HERC1: variants seen among roughly 807,000 people sequenced by gnomAD.
The protein encoded by HERC1 is probable E3 ubiquitin-protein ligase HERC1.
In HERC1, 160 loss-of-function variants were observed where a neutral mutation model predicts 554.3. The ratio of observed to expected loss-of-function variants is 0.29; its 90% CI spans 0.25 to 0.33. The LOEUF (loss-of-function observed/expected upper bound fraction) is 0.33, where lower values mean the gene tolerates loss of function less well. HERC1 is among the 10% of genes least tolerant of loss of function. HERC1 has a pLI of 1.00. For synonymous variants in HERC1, 2,175 were observed against 2,131.7 expected, an observed-to-expected ratio of 1.02 and a Z score of -0.56; for missense variants, 4,919 against 5,918.5, an observed-to-expected ratio of 0.83 and a Z score of 5.54.
intron 1 of HERC1, among the ~76,000 whole-genome samples, chr15:63,824,631 G>A: frequency 6.6e-6 from 1 of 152,024 alleles, no homozygotes; most frequent in East Asian, 1.9e-4. Context: ...ACCTCTGAGA[G>A]AGAGCTGCAC....
At chr15:63,720,040 A>G (rs1042852647) in intron 19 of HERC1, among the ~76,000 whole-genome samples, 1 of 151,516 alleles carries the variant, frequency 6.6e-6, no homozygotes, top group African/African-American at 2.4e-5. Flanking sequence ...AAATGAAGAC[A>G]TGTAGTTGAA....
At chr15:63,707,108 T>A (rs2073045913) in intron 24 of HERC1, among the ~76,000 whole-genome samples, 1 of 152,240 alleles carries the variant, frequency 6.6e-6, no homozygotes, top group Non-Finnish European at 1.5e-5. Flanking sequence ...TCCATTGGAA[T>A]CTTTGTCTTT....
At chr15:63,752,081 T>C (rs1260778538) in intron 8 of HERC1, among the ~76,000 whole-genome samples, 1 of 152,146 alleles carries the variant, frequency 6.6e-6, no homozygotes, top group Non-Finnish European at 1.5e-5. Context: ...ACAAAAACCA[T>C]AGTGAGAAAC....
chr15:63,782,040 G>C (rs1376158379), intron 1 of HERC1, among the ~76,000 whole-genome samples: 3 of 152,180 alleles, frequency 2.0e-5, no homozygotes, highest in Non-Finnish European at 4.4e-5. Context: ...CACTCATGAG[G>C]CTTAAGGAAA....
In HERC1 at chr15:63,718,917, A is replaced by G. The variant is rs2073686506; in HGVS notation, c.3743-20T>C. The G allele has an allele frequency of 6.5e-7, 1 of 1,534,246 alleles. No individual in the cohort carries two copies. Among genetic ancestry groups the G allele is most frequent in the Non-Finnish European group, 9.0e-7 (1 of 1,116,974 alleles). On this transcript the variant is annotated intron_variant, in intron 19 of 77. Coordinates refer to ENST00000443617, the MANE Select transcript of HERC1 (RefSeq NM_003922.4). This position sits in a 1 kb window ranked among gnomAD's most constrained non-coding sequence, Gnocchi z 4.2. Reference sequence around the variant, plus strand: ...CCCAATCTGAAAATAAAAATGATGCATTGACATTTAAAAGGGCTCAGAAAA... The same window carrying G: ...CCCAATCTGAAAATAAAAATGATGCGTTGACATTTAAAAGGGCTCAGAAAA...
chr15:63,755,195 TAGA>T, intron 6 of HERC1, 31 bp downstream of exon 6: 1 of 1,414,234 alleles, frequency 7.1e-7, no homozygotes, highest in Non-Finnish European at 1.0e-6. Context: ...TCTAATTTTC[TAGA>T]AGAATAACTT....
intron 25 of HERC1, among the ~76,000 whole-genome samples, chr15:63,704,214 CTT>C (rs1310318943): frequency 6.6e-6 from 1 of 152,174 alleles, no homozygotes; most frequent in Non-Finnish European, 1.5e-5. Flanking sequence ...TGTAAAATCT[CTT>C]TGAAAATATA....
chr15:63,705,865 C>T (rs1214189762), intron 25 of HERC1, among the ~76,000 whole-genome samples: 3 of 151,690 alleles, frequency 2.0e-5, no homozygotes, highest in African/African-American at 4.8e-5. Context: ...CTTATCTCTA[C>T]AAAAATAATA....
In HERC1 at chr15:63,723,244, C is replaced by A; in HGVS notation, c.3680G>T (p.Gly1227Val). The change falls in exon 19 of 78, where the codon GGT becomes GTT. Residue 1227 changes from glycine (G) to valine (V), a missense_variant. Physicochemically the swap from Gly to Val is moderately radical, Grantham distance 109 (BLOSUM62 -3). Transcript: ENST00000443617. ...GCTTCGGGCAGGCTCTTTAGAACAA[C>A]CCAATGCCAAGTCTACATAGACAGC... ...EIAVYVDLAL[G>V]CSKEPARSLW... The A allele has an allele frequency of 6.2e-7, 1 of 1,600,228 alleles. No individual in the cohort carries two copies. The highest frequency in any genetic ancestry group is 8.5e-7 in the Non-Finnish European group (1 of 1,172,502).
rs116885486 is a variant in HERC1, at chr15:63,762,803, T to C, written c.1026+1293A>G. Among the ~76,000 whole-genome samples the C allele has an allele frequency of 3.8e-3, 583 of 152,312 alleles. 2 individuals carry two copies. The highest frequency in any genetic ancestry group is 6.9e-3 in the Non-Finnish European group (467 of 68,030). On this transcript the variant is annotated intron_variant, in intron 3 of 77. Transcript: ENST00000443617. The stretch of plus-strand genomic sequence containing the variant: ...ATAAGGGAATCTCTTCACAAAAATA[T>C]TGCAACTAATTGTTGGGAAAAAGCT...
At chr15:63,805,120 G>A (rs1567145285) in intron 1 of HERC1, among the ~76,000 whole-genome samples, 2 of 152,056 alleles carry the variant, frequency 1.3e-5, no homozygotes, top group African/African-American at 2.4e-5. Context: ...ATAAAGACCT[G>A]GTCATCAGTA....
chr15:63,818,926 T>C (rs1053955139), intron 1 of HERC1, among the ~76,000 whole-genome samples: 3 of 152,222 alleles, frequency 2.0e-5, no homozygotes, highest in African/African-American at 7.2e-5. Flanking sequence ...TAAAAGATAT[T>C]ATAGTGCTGC....
At chr15:63,820,966 T>A (rs1020010016) in intron 1 of HERC1, among the ~76,000 whole-genome samples, 4 of 152,196 alleles carry the variant, frequency 2.6e-5, no homozygotes, top group African/African-American at 7.2e-5. Context: ...GAGCTAAAAA[T>A]TCAAGTTTTG....
rs779640036 is a variant in HERC1, at chr15:63,656,244, G to T, written c.9714C>A (p.Ser3238Arg). 2.5e-6 allele frequency: 4 copies of T among 1,613,826 alleles called. No individual in the cohort carries two copies. Among genetic ancestry groups the T allele is most frequent in the Non-Finnish European group, 3.4e-6 (4 of 1,179,794 alleles). ...AAAGRAGLST[S>R]PSAMASTSER... ...CTGAGGTGCTAGCCATGGCAGAAGGGCTGGTGGAGAGGCCAGCTCTCCCTG... is the reference window on the plus strand; with the variant it reads ...CTGAGGTGCTAGCCATGGCAGAAGGTCTGGTGGAGAGGCCAGCTCTCCCTG... Residue 3238 changes from serine to arginine, a missense_variant, in exon 49 of 78, where the codon AGC becomes AGA. By Grantham distance (110) the Ser-to-Arg change is moderately radical (BLOSUM62 -1). Transcript: ENST00000443617.
At chr15:63,664,688 T>G in intron 42 of HERC1, 94 bp from the exon 43 acceptor site, 1 of 1,022,792 alleles carries the variant, frequency 9.8e-7, no homozygotes, top group South Asian at 1.8e-5. Flanking sequence ...TACTTTATTC[T>G]CATTGAGAAT....
At chr15:63,780,751 G>A (rs150656711) in intron 1 of HERC1, among the ~76,000 whole-genome samples, 2 of 151,604 alleles carry the variant, frequency 1.3e-5, no homozygotes, top group Non-Finnish European at 2.9e-5. Context: ...AGAGACTAAA[G>A]GTTAGCTGTA....
chr15:63,722,622 T>C (rs191992887), intron 19 of HERC1, among the ~76,000 whole-genome samples: 13 of 152,374 alleles, frequency 8.5e-5, no homozygotes, highest in African/African-American at 2.6e-4. Context: ...CTTGGTTTTA[T>C]GATCTACTGC....
intron 42 of HERC1, among the ~76,000 whole-genome samples, chr15:63,665,504 CA>C (rs1274576762): frequency 6.6e-6 from 1 of 152,108 alleles, no homozygotes; most frequent in Admixed American, 6.5e-5. Flanking sequence ...CACTGCACTC[CA>C]GCCTGGCGAC....
In HERC1 at chr15:63,689,604, T is replaced by C; in HGVS notation, c.6033A>G (p.Gln2011=). ...AACCAATTACCTGTAGTTTTATTTC[T>C]TGTTCTTTTTCCTTTATCTGAATAG... The part of the protein sequence containing the change: ...KHAIQIKEKE[Q]EIKLQKQGEL... The change falls in exon 33 of 78, where the codon CAA becomes CAG. Residue 2011 remains glutamine, a synonymous_variant. Transcript: ENST00000443617. 1 of 1,553,842 alleles carries C rather than the reference T, an allele frequency of 6.4e-7. No homozygotes were observed. The highest frequency in any genetic ancestry group is 1.9e-5 in the Admixed American group (1 of 51,910).
Sources: gnomAD v4.1 joint callset for allele counts (sites outside exome capture counted in the v4.1 genomes callset) on GRCh38, gnomAD v4.1.1 for gene constraint, Gnocchi (gnomAD v3.1) non-coding constraint, MANE v1.5 for transcripts, NCBI Gene and HGNC (gene_info 2026-07-23, HGNC 2026-07-21) for gene names.